CHD9: variants seen among roughly 807,000 people sequenced by gnomAD.
The protein encoded by CHD9 is ATP-dependent chromatin remodeler CHD9.
CHD9 carries 77 observed loss-of-function variants against 316.1 expected under a neutral mutation model. That is an observed-to-expected ratio of 0.24 (90% CI 0.20 to 0.29). CHD9 has a LOEUF of 0.29. Ranked by LOEUF, CHD9 falls within the 10% of genes least tolerant of loss-of-function variation. The pLI, the probability that CHD9 is intolerant of heterozygous loss-of-function variation, is 1.00. For synonymous variants in CHD9, 1,129 were observed against 1,158.3 expected (o/e 0.97, Z 0.51); for missense variants, 2,763 against 3,438.1 (o/e 0.80, Z 4.91).
intron 2 of CHD9, among the ~76,000 whole-genome samples, chr16:53,208,905 A>G (rs1001029926): frequency 6.6e-6 from 1 of 152,138 alleles, no homozygotes; most frequent in Non-Finnish European, 1.5e-5. Context: ...AAGAAAAAAA[A>G]TTTTCACATT....
intron 2 of CHD9, chr16:53,168,911 A>G (rs1428384144): frequency 1.3e-5 from 2 of 152,156 alleles, no homozygotes; most frequent in African/African-American, 4.8e-5. Flanking sequence ...GAATTTTAAA[A>G]TTTTTAAATT....
At chr16:53,208,835 A>G (rs1170521019) in intron 2 of CHD9, 3 of 502,280 alleles carry the variant, frequency 6.0e-6, no homozygotes, top group Non-Finnish European at 7.7e-6. Flanking sequence ...ATTTTAATGT[A>G]AAACTGTAAA....
At chr16:53,163,140 TG>T (rs1811254212) in intron 2 of CHD9, among the ~76,000 whole-genome samples, 1 of 151,000 alleles carries the variant, frequency 6.6e-6, no homozygotes, top group South Asian at 2.1e-4. Context: ...TCACTGTTGC[TG>T]TTGTGTTATG....
chr16:53,204,341 T>G (rs10521279), intron 2 of CHD9, among the ~76,000 whole-genome samples: 47,789 of 152,036 alleles, frequency 0.31, 7,699 homozygotes, highest in Middle Eastern at 0.39. Context: ...TGGCTGTTGG[T>G]TACATGTGAA....
In CHD9 at chr16:53,212,404, C is replaced by CA. The variant is rs35876552; in HGVS notation, c.1784+2607dup. Among the ~76,000 whole-genome samples the CA allele has an allele frequency of 7.7e-3, 959 of 124,146 alleles. 7 individuals carry two copies. The highest frequency in any genetic ancestry group is 0.025 in the African/African-American group (819 of 32,980). The allele number at this position is 124,146 out of a possible 152,430, so 81.4% of individuals were successfully genotyped here. A position where few individuals can be genotyped will look rare whatever the true frequency, so the allele number is the denominator to read the frequency against. ...TGGCTGACAGAGCGAGATTCCATCT[C>CA]AAAAAAAAAAAAAAAATTTTTTTTA... On this transcript the variant is annotated intron_variant, in intron 3 of 38. Transcript: ENST00000447540.
intron 3 of CHD9, among the ~76,000 whole-genome samples, chr16:53,216,309 A>G (rs2046760160): frequency 1.3e-5 from 2 of 152,292 alleles, no homozygotes; most frequent in Admixed American, 1.3e-4. Flanking sequence ...TCCTTCAGAT[A>G]ACATTTATGG....
chr16:53,156,336 A>C lies in CHD9; in HGVS notation c.247A>C (p.Asn83His). Residue 83 changes from asparagine to histidine, a missense_variant, in exon 2 of 39, where the codon AAT becomes CAT. Physicochemically the swap from Asn to His is moderately conservative, Grantham distance 68. Around this residue, in one of 15 missense-constraint regions of CHD9, gnomAD observed 859 missense variants for 890.4 expected, o/e 0.96. Coordinates refer to ENST00000447540, the MANE Select transcript of CHD9 (RefSeq NM_001308319.2). ...QFDSIKFHHV[N>H]QSFGSPAEHV... ...TGATTCAATAAAATTTCACCATGTT[A>C]ATCAATCTTTTGGTAGCCCAGCTGA... 4.3e-6 allele frequency: 7 copies of C among 1,613,994 alleles called. No homozygotes were observed. Among genetic ancestry groups the C allele is most frequent in the South Asian group, 1.1e-5 (1 of 91,084 alleles).
At chr16:53,107,615 G>A (rs1009750051) in intron 1 of CHD9, among the ~76,000 whole-genome samples, 1 of 151,758 alleles carries the variant, frequency 6.6e-6, no homozygotes, top group Admixed American at 6.6e-5. Context: ...CCCAGGAGGT[G>A]AAGCTGCAGT....
intron 2 of CHD9, among the ~76,000 whole-genome samples, chr16:53,159,335 C>T (rs987747276): frequency 3.3e-5 from 5 of 151,990 alleles, no homozygotes; most frequent in Non-Finnish European, 7.4e-5. Flanking sequence ...TTAAGTAGTG[C>T]AGTTTTTCCC....
chr16:53,258,909 A>G lies in CHD9; in HGVS notation c.4209+3130A>G, dbSNP rs375918095. Among the ~76,000 whole-genome samples, 3 of 152,236 alleles carry G rather than the reference A, an allele frequency of 2.0e-5. No homozygotes were observed. The South Asian group carries it at 6.2e-4, about 32-fold the overall frequency. On this transcript the variant is annotated intron_variant, in intron 19 of 38. Coordinates refer to ENST00000447540, the MANE Select transcript of CHD9 (RefSeq NM_001308319.2). ...TTGCTTAATTTACAAAGGAAAGAAA[A>G]CCATCTAAATTGTGCTTCAGATGGA...
chr16:53,093,854 C>G, intron 1 of CHD9, among the ~76,000 whole-genome samples: 1 of 152,222 alleles, frequency 6.6e-6, no homozygotes, highest in Admixed American at 6.5e-5. Flanking sequence ...ATGGAAGCAG[C>G]TCTCAGAGCC....
chr16:53,131,615 G>C (rs1597086781), intron 1 of CHD9, among the ~76,000 whole-genome samples: 1 of 151,550 alleles, frequency 6.6e-6, no homozygotes, highest in Non-Finnish European at 1.5e-5. Flanking sequence ...GCCAGGGCGT[G>C]GGAAGGCGGG....
intron 1 of CHD9, among the ~76,000 whole-genome samples, chr16:53,148,032 T>C (rs538040154): frequency 3.3e-4 from 50 of 151,924 alleles, no homozygotes; most frequent in African/African-American, 1.2e-3. Context: ...GGTGAAACCC[T>C]GTGTCTACTA....
rs1308663098 is a variant in CHD9 at position 53,229,005 on chromosome 16, G to A, written c.2191G>A (p.Ala731Thr). The A allele has an allele frequency of 1.3e-6, 2 of 1,579,920 alleles. No homozygotes were observed. Among genetic ancestry groups the A allele is most frequent in the Non-Finnish European group, 1.7e-6 (2 of 1,161,294 alleles). The change falls in exon 8 of 39, where the codon GCC (alanine) becomes ACC (threonine). Residue 731 changes from alanine (A) to threonine (T), a missense_variant. Ala to Thr is a moderately conservative substitution (Grantham distance 58). This residue lies in a region of CHD9 where 859 missense variants were observed against 890.4 expected (regional missense o/e 0.96). Transcript: ENST00000447540. Reference sequence around the variant, plus strand: ...TAGCTCCTATCTTCACTGTGAGTGGGCCACAGAAGAGCAGCTTTTGAAAGA... The same window carrying A: ...TAGCTCCTATCTTCACTGTGAGTGGACCACAGAAGAGCAGCTTTTGAAAGA... ...KNYSYLHCEW[A>T]TEEQLLKDKR...
At chr16:53,083,706 C>CT (rs2035223153) in intron 1 of CHD9, among the ~76,000 whole-genome samples, 1 of 150,484 alleles carries the variant, frequency 6.6e-6, no homozygotes, top group African/African-American at 2.4e-5. Context: ...GTCCTTGAAA[C>CT]TTTTTTTTGA....
At chr16:53,209,328 G>A (rs1161446295) in intron 2 of CHD9, among the ~76,000 whole-genome samples, 154 bp from the exon 3 acceptor site, 2 of 152,026 alleles carry the variant, frequency 1.3e-5, no homozygotes, top group African/African-American at 4.8e-5. Flanking sequence ...CTAATTTCTT[G>A]ATAAGCAAAA....
At chr16:53,107,918 A>G (rs1597011466) in intron 1 of CHD9, among the ~76,000 whole-genome samples, 1 of 152,170 alleles carries the variant, frequency 6.6e-6, no homozygotes, top group East Asian at 1.9e-4. Context: ...TGTGGTGCTA[A>G]GTGACAGGGA....
chr16:53,192,775 T>C (rs994893003), intron 2 of CHD9, among the ~76,000 whole-genome samples: 1 of 152,222 alleles, frequency 6.6e-6, no homozygotes, highest in African/African-American at 2.4e-5. Context: ...CTGTTTAGCA[T>C]AGAACATTTT....
At chr16:53,309,520 T>A (rs2056280696) in intron 34 of CHD9, among the ~76,000 whole-genome samples, 1 of 152,248 alleles carries the variant, frequency 6.6e-6, no homozygotes, top group East Asian at 1.9e-4. Flanking sequence ...TGTCTTCTAA[T>A]CTTTTGGCAG....
Sources: gnomAD v4.1 joint callset for allele counts (sites outside exome capture counted in the v4.1 genomes callset) on GRCh38, gnomAD v4.1.1 for gene constraint, gnomAD v4.1.1 regional missense constraint, MANE v1.5 for transcripts, NCBI Gene and HGNC (gene_info 2026-07-23, HGNC 2026-07-21) for gene names.